The following PDE1A variants were observed in gnomAD, a reference collection of about 807,000 sequenced individuals.
The protein encoded by PDE1A is phosphodiesterase 1A, also known as dual specificity calcium/calmodulin-dependent 3',5'-cyclic nucleotide phosphodiesterase 1A.
Under a neutral mutation model 61.7 loss-of-function variants are expected in PDE1A, and 35 were observed. The ratio of observed to expected loss-of-function variants is 0.57; its 90% CI spans 0.43 to 0.75. The LOEUF (loss-of-function observed/expected upper bound fraction) is 0.75, where lower values mean the gene tolerates loss of function less well. Among genes scored for constraint, PDE1A ranks in the 30% least tolerant of loss-of-function variants. The probability of loss-of-function intolerance (pLI) is 0.00; values close to 1 mark genes in which losing one functional copy is unlikely to be tolerated. For missense variants in PDE1A, 597 were observed against 630.6 expected, an observed-to-expected ratio of 0.95 and a Z score of 0.57; for synonymous variants, 232 against 213.2, an observed-to-expected ratio of 1.09 and a Z score of -0.77.
intron 2 of PDE1A, among the ~76,000 whole-genome samples, chr2:182,245,871 A>C (rs867919521): frequency 1.4e-5 from 2 of 145,870 alleles, no homozygotes; most frequent in Admixed American, 7.3e-5. Flanking sequence ...GGATGGTATC[A>C]TAAGTGTTTA....
chr2:182,434,907 T>A (rs976040767), intron 2 of PDE1A, among the ~76,000 whole-genome samples: 1 of 152,104 alleles, frequency 6.6e-6, no homozygotes, highest in Non-Finnish European at 1.5e-5. Context: ...TGTTCACATT[T>A]ATAATTTCTA....
At chr2:182,230,945 G>A (rs1448309605) in intron 5 of PDE1A, 70 bp downstream of exon 5, 3 of 769,722 alleles carry the variant, frequency 3.9e-6, no homozygotes, top group Admixed American at 2.3e-5. Flanking sequence ...TTACTCAAAT[G>A]TTCTGCATTT....
chr2:182,142,156 A>ACACACACACG (rs1690258409), downstream of PDE1A: 1 of 151,854 alleles, frequency 6.6e-6, no homozygotes, highest in East Asian at 1.9e-4. Flanking sequence ...ACACACACAC[A>ACACACACACG]CATTCTTGTC....
chr2:182,643,797 T>C, the PDE1A span, among the ~76,000 whole-genome samples: 1 of 152,094 alleles, frequency 6.6e-6, no homozygotes. Context: ...AATGAAAGAA[T>C]TGATATGAAG....
At chr2:182,355,508 T>C (rs1030009199) in intron 1 of PDE1A, among the ~76,000 whole-genome samples, 1 of 152,088 alleles carries the variant, frequency 6.6e-6, no homozygotes, top group African/African-American at 2.4e-5. Flanking sequence ...ACACTCCAGA[T>C]AATACTTCAA....
chr2:182,649,266 A>C, the PDE1A span, among the ~76,000 whole-genome samples: 1 of 152,224 alleles, frequency 6.6e-6, no homozygotes, highest in African/African-American at 2.4e-5. Context: ...TTTGTGCAAC[A>C]TAAGTTATTA....
the PDE1A span, among the ~76,000 whole-genome samples, chr2:182,709,971 A>G: frequency 2.6e-5 from 4 of 152,278 alleles, no homozygotes; most frequent in African/African-American, 9.6e-5. Flanking sequence ...ATCTTGGCTC[A>G]CCACAACCTC....
the PDE1A span, among the ~76,000 whole-genome samples, chr2:182,652,092 G>T: frequency 1.3e-5 from 2 of 152,146 alleles, no homozygotes; most frequent in East Asian, 1.9e-4. Flanking sequence ...TATAAGGTAT[G>T]TTTTCTGTTT....
the PDE1A span, among the ~76,000 whole-genome samples, chr2:182,694,585 G>T: frequency 6.6e-6 from 1 of 152,196 alleles, no homozygotes; most frequent in Non-Finnish European, 1.5e-5. Flanking sequence ...CTGACAGGGG[G>T]AAGGGTCTTT....
intron 1 of PDE1A, among the ~76,000 whole-genome samples, chr2:182,349,538 T>C (rs1255236587): frequency 6.6e-6 from 1 of 152,226 alleles, no homozygotes; most frequent in Non-Finnish European, 1.5e-5. Context: ...ACGTGAAATT[T>C]CTGTAAACCA....
At chr2:182,630,471 C>A in the PDE1A span, among the ~76,000 whole-genome samples, 1 of 152,006 alleles carries the variant, frequency 6.6e-6, no homozygotes, top group Non-Finnish European at 1.5e-5. Context: ...TATTCTGATG[C>A]CAATGCCATA....
At chr2:182,499,611 A>G (rs925863662) in intron 2 of PDE1A, among the ~76,000 whole-genome samples, 1 of 152,246 alleles carries the variant, frequency 6.6e-6, no homozygotes. Flanking sequence ...CACAAAAAGA[A>G]GACTGAAAGG....
chr2:182,192,767 T>C (rs909700476), intron 10 of PDE1A, among the ~76,000 whole-genome samples: 2 of 152,118 alleles, frequency 1.3e-5, no homozygotes, highest in African/African-American at 2.4e-5. Flanking sequence ...CCACAGCTTA[T>C]ACCTGTCTTT....
intron 1 of PDE1A, among the ~76,000 whole-genome samples, chr2:182,420,973 C>T (rs997582090): frequency 6.6e-6 from 1 of 152,070 alleles, no homozygotes; most frequent in African/African-American, 2.4e-5. Context: ...ACATTATGTC[C>T]AGTCACAGAA....
chr2:182,181,811 G>A (rs115329132), intron 13 of PDE1A, among the ~76,000 whole-genome samples: 2,251 of 152,232 alleles, frequency 0.015, 31 homozygotes, highest in South Asian at 0.057. Flanking sequence ...GGACACAGCC[G>A]CTTTGCTGTG....
chr2:182,231,829 C>T (rs938315409), intron 4 of PDE1A, among the ~76,000 whole-genome samples: 2 of 151,988 alleles, frequency 1.3e-5, no homozygotes, highest in Non-Finnish European at 2.9e-5. Flanking sequence ...GCAGGAGAAT[C>T]GCTTGAACCC....
chr2:182,562,360 T>C, the PDE1A span, among the ~76,000 whole-genome samples: 3 of 148,256 alleles, frequency 2.0e-5, no homozygotes, highest in African/African-American at 4.9e-5. Context: ...ATTACATTTA[T>C]TGATTTGCGT....
At chr2:182,679,029 G>A in the PDE1A span, among the ~76,000 whole-genome samples, 1 of 127,660 alleles carries the variant, frequency 7.8e-6, no homozygotes, top group African/African-American at 2.9e-5. Context: ...TTTTGAGTCA[G>A]AGTCTCACTC....
At chr2:182,179,714 T>G (rs1250867773) in intron 13 of PDE1A, among the ~76,000 whole-genome samples, 1 of 152,158 alleles carries the variant, frequency 6.6e-6, no homozygotes, top group African/African-American at 2.4e-5. Flanking sequence ...TGTCTCTCTC[T>G]TTCTTCCCTG....
Sources: gnomAD v4.1 joint callset for allele counts (sites outside exome capture counted in the v4.1 genomes callset) on GRCh38, gnomAD v4.1.1 for gene constraint, MANE v1.5 for transcripts, NCBI Gene and HGNC (gene_info 2026-07-23, HGNC 2026-07-21) for gene names.